GRM7: variants seen among roughly 807,000 people sequenced by gnomAD.
GRM7 encodes the protein metabotropic glutamate receptor 7.
GRM7 carries 35 observed loss-of-function variants against 84.5 expected under a neutral mutation model. That is an observed-to-expected ratio of 0.41 (90% CI 0.32 to 0.55). The LOEUF is 0.55. Among genes scored for constraint, GRM7 ranks in the 20% least tolerant of loss-of-function variants. The pLI is 0.19. For synonymous variants in GRM7, 487 were observed against 455.1 expected, an observed-to-expected ratio of 1.07 and a Z score of -0.89; for missense variants, 1,003 against 1,194.6, an observed-to-expected ratio of 0.84 and a Z score of 2.36.
At chr3:7,507,007 G>A (rs1042399229) in intron 7 of GRM7, among the ~76,000 whole-genome samples, 1 of 152,104 alleles carries the variant, frequency 6.6e-6, no homozygotes, top group Non-Finnish European at 1.5e-5. Context: ...TTATAATTAT[G>A]TCTTCAGTGT....
intron 2 of GRM7, among the ~76,000 whole-genome samples, chr3:7,187,879 G>A (rs982896645): frequency 2.0e-5 from 3 of 152,116 alleles, no homozygotes; most frequent in South Asian, 2.1e-4. Flanking sequence ...AATGTGGTTC[G>A]GTGTCCAAGC....
At chr3:7,385,109 T>C (rs1694733394) in intron 4 of GRM7, among the ~76,000 whole-genome samples, 1 of 152,054 alleles carries the variant, frequency 6.6e-6, no homozygotes, top group Non-Finnish European at 1.5e-5. Context: ...GTGCGAACAA[T>C]AACTTGATAA....
chr3:7,561,019 T>A (rs1694001158), intron 7 of GRM7, among the ~76,000 whole-genome samples: 2 of 152,124 alleles, frequency 1.3e-5, no homozygotes, highest in African/African-American at 4.8e-5. Context: ...TGTTTTTCCA[T>A]AATCTGTTGC....
chr3:7,334,507 AC>A (rs57458309), intron 4 of GRM7, among the ~76,000 whole-genome samples: 3 of 150,448 alleles, frequency 2.0e-5, no homozygotes, highest in African/African-American at 7.5e-5. Flanking sequence ...AAAAACAAAA[AC>A]AAAAACACAA....
At chr3:7,145,001 C>A (rs1694065519) in intron 1 of GRM7, among the ~76,000 whole-genome samples, 1 of 152,076 alleles carries the variant, frequency 6.6e-6, no homozygotes, top group South Asian at 2.1e-4. Flanking sequence ...TAATGCTGAC[C>A]TAGAAATGTT....
At chr3:7,106,274 CT>C (rs5846487) in intron 1 of GRM7, among the ~76,000 whole-genome samples, 48,347 of 149,140 alleles carry the variant, frequency 0.32, 9,279 homozygotes, top group African/African-American at 0.55. Flanking sequence ...ATTCATTTTT[CT>C]TTTTTTTTTA....
intron 9 of GRM7, among the ~76,000 whole-genome samples, chr3:7,726,348 A>G (rs939139157): frequency 1.3e-5 from 2 of 152,014 alleles, no homozygotes; most frequent in African/African-American, 4.8e-5. Context: ...TCATCTACCT[A>G]TATCTTGTTG....
Position 7,306,533 on chromosome 3 carries a change from T to C in GRM7, c.914T>C (p.Val305Ala). 1 of 1,613,908 alleles carries C rather than the reference T, an allele frequency of 6.2e-7. No individual in the cohort carries two copies. The highest frequency in any genetic ancestry group is 8.5e-7 in the Non-Finnish European group (1 of 1,179,832). The change falls in exon 4 of 10, where the codon GTT (valine) becomes GCT (alanine). Residue 305 changes from valine (V) to alanine (A), a missense_variant. Physicochemically the swap from Val to Ala is moderately conservative, Grantham distance 64. This residue lies in a region of GRM7 where 910 missense variants were observed against 1,126.0 expected (regional missense o/e 0.81). Coordinates refer to ENST00000357716, the MANE Select transcript of GRM7 (RefSeq NM_000844.4). ...ILAAAKRADQ[V>A]GHFLWVGSDS... ...GCAGCAGCCAAAAGAGCTGACCAAG[T>C]TGGCCATTTTCTTTGGGTGGGATCA...
rs535480047 is a variant in GRM7, at chr3:7,294,805, G to C, written c.737-3879G>C. 4.6e-5 allele frequency among the ~76,000 whole-genome samples: 7 copies of C among 152,288 alleles called. No individual in the cohort carries two copies. The East Asian group carries it at 9.6e-4, about 21-fold the overall frequency. On this transcript the variant is annotated intron_variant, in intron 2 of 9. Transcript: ENST00000357716. Reference sequence around the variant, plus strand: ...ACTGACTAAGAATCTCTAGAAGTGAGGATCAGAAATGTGCTTCACAAGCTC... The same window carrying C: ...ACTGACTAAGAATCTCTAGAAGTGACGATCAGAAATGTGCTTCACAAGCTC...
chr3:7,208,374 A>G (rs947580461), intron 2 of GRM7, among the ~76,000 whole-genome samples: 5 of 152,136 alleles, frequency 3.3e-5, no homozygotes, highest in Non-Finnish European at 5.9e-5. Context: ...CTGGAGCTAC[A>G]GTTCTCAGTT....
At chr3:7,671,443 T>C (rs766316065) in intron 8 of GRM7, among the ~76,000 whole-genome samples, 1 of 152,034 alleles carries the variant, frequency 6.6e-6, no homozygotes, top group Non-Finnish European at 1.5e-5. Context: ...TAATCACTTA[T>C]CTCATGCTCC....
At chr3:7,661,817 AAAAT>A (rs1303439252) in intron 8 of GRM7, among the ~76,000 whole-genome samples, 2 of 145,130 alleles carry the variant, frequency 1.4e-5, no homozygotes, top group East Asian at 4.0e-4. Context: ...AAAAAAAAAA[AAAAT>A]GTAAAATGCT....
intron 8 of GRM7, among the ~76,000 whole-genome samples, chr3:7,668,473 C>CT (rs1229013868): frequency 2.6e-5 from 4 of 152,210 alleles, no homozygotes; most frequent in African/African-American, 9.6e-5. Context: ...CTCTCTCTCT[C>CT]TTTTACGCAC....
At chr3:7,511,876 T>C (rs1700222705) in intron 7 of GRM7, among the ~76,000 whole-genome samples, 1 of 152,198 alleles carries the variant, frequency 6.6e-6, no homozygotes, top group Non-Finnish European at 1.5e-5. Flanking sequence ...GAACAGTGGC[T>C]CATGCCTGTA....
At chr3:6,927,085 T>G (rs1697324677) in intron 1 of GRM7, among the ~76,000 whole-genome samples, 1 of 152,136 alleles carries the variant, frequency 6.6e-6, no homozygotes, top group African/African-American at 2.4e-5. Context: ...TGTTCAAACT[T>G]CATGTTATAC....
At chr3:7,070,943 T>C (rs1050665662) in intron 1 of GRM7, among the ~76,000 whole-genome samples, 2 of 152,112 alleles carry the variant, frequency 1.3e-5, no homozygotes, top group Admixed American at 1.3e-4. Context: ...TTTACTTTAA[T>C]TTGCTTTTTA....
chr3:7,031,956 C>A (rs554497430), intron 1 of GRM7, among the ~76,000 whole-genome samples: 4 of 152,168 alleles, frequency 2.6e-5, no homozygotes, highest in African/African-American at 7.2e-5. Flanking sequence ...TGTGCCCTAT[C>A]CCTTAACCTA....
chr3:7,067,014 A>G (rs1297952137), intron 1 of GRM7, among the ~76,000 whole-genome samples: 1 of 151,918 alleles, frequency 6.6e-6, no homozygotes, highest in Non-Finnish European at 1.5e-5. Context: ...CATACAAAGG[A>G]CATACTTTAA....
In GRM7 at chr3:7,263,803, G is replaced by A. The variant is rs142877326; in HGVS notation, c.737-34881G>A. On this transcript the variant is annotated intron_variant, in intron 2 of 9. Transcript: ENST00000357716. Reference sequence around the variant, plus strand: ...CCACCAATAGTCCCACAGCAATGGCGGTAGGGTAGGTTGGGGGTTCATTCA... The same window carrying A: ...CCACCAATAGTCCCACAGCAATGGCAGTAGGGTAGGTTGGGGGTTCATTCA... 3.8e-3 allele frequency among the ~76,000 whole-genome samples: 585 copies of A among 152,174 alleles called. 5 individuals are homozygous for A. The highest frequency in any genetic ancestry group is 0.014 in the South Asian group (69 of 4,830).
Sources: gnomAD v4.1 joint callset for allele counts (sites outside exome capture counted in the v4.1 genomes callset) on GRCh38, gnomAD v4.1.1 for gene constraint, gnomAD v4.1.1 regional missense constraint, MANE v1.5 for transcripts, NCBI Gene and HGNC (gene_info 2026-07-23, HGNC 2026-07-21) for gene names.